LUC7L: variants seen among roughly 807,000 people sequenced by gnomAD.
The protein encoded by LUC7L is LUC7 like, also known as putative RNA-binding protein Luc7-like 1.
In LUC7L, 29 loss-of-function variants were observed where a neutral mutation model predicts 51.1. That is an observed-to-expected ratio of 0.57 (90% CI 0.42 to 0.77). The LOEUF (loss-of-function observed/expected upper bound fraction) is 0.77, where lower values mean the gene tolerates loss of function less well. Among genes scored for constraint, LUC7L ranks in the 30% least tolerant of loss-of-function variants. LUC7L has a pLI of 0.00. For synonymous variants in LUC7L, 181 were observed against 180.7 expected, an observed-to-expected ratio of 1.00 and a Z score of -0.01; for missense variants, 403 against 511.9, an observed-to-expected ratio of 0.79 and a Z score of 2.05.
chr16:224,997 T>A (rs918807402), intron 2 of LUC7L, among the ~76,000 whole-genome samples: 1 of 152,196 alleles, frequency 6.6e-6, no homozygotes, highest in Non-Finnish European at 1.5e-5. Flanking sequence ...AAAATACTAC[T>A]GGCCATTCCC....
At chr16:203,941 G>T (rs1242092954) in intron 5 of LUC7L, among the ~76,000 whole-genome samples, 2 of 142,968 alleles carry the variant, frequency 1.4e-5, no homozygotes, top group African/African-American at 5.2e-5. Context: ...GCTTGAGCCC[G>T]GGAGGCGGAG....
At chr16:202,206 G>A (rs28891839) in intron 5 of LUC7L, among the ~76,000 whole-genome samples, 3,463 of 151,374 alleles carry the variant, frequency 0.023, 148 homozygotes, top group African/African-American at 0.079. Context: ...CTGGGCAGAA[G>A]GCAGCAAAAG....
rs901379420 is a variant in LUC7L, at chr16:228,567, G to C, written c.61+712C>G. The C allele has an allele frequency of 2.5e-6, 3 of 1,194,094 alleles. No individual in the cohort carries two copies. The African/African-American group carries it at 4.8e-5, about 19-fold the overall frequency. 74.0% of individuals were successfully genotyped at this position (1,194,094 alleles called of 1,614,324 possible). On this transcript the variant is annotated intron_variant, in intron 1 of 9. Coordinates refer to ENST00000293872, the MANE Select transcript of LUC7L (RefSeq NM_201412.3). ...CACAGCCCTGAGAATGTGCCAGTGT[G>C]AACTTACAACTTCATTACTCAGCAG...
chr16:189,443 C>T, intron 9 of LUC7L, 104 bp from the exon 10 acceptor site: 1 of 1,457,598 alleles, frequency 6.9e-7, no homozygotes, highest in Non-Finnish European at 9.0e-7. Flanking sequence ...CAAGGCCCTA[C>T]ATCCCCTATA....
At chr16:197,883 T>C (rs1406651041) in intron 6 of LUC7L, among the ~76,000 whole-genome samples, 1 of 152,140 alleles carries the variant, frequency 6.6e-6, no homozygotes, top group Non-Finnish European at 1.5e-5. Context: ...GGTCCTAGTA[T>C]GCGGTAAGGG....
At chr16:196,223 C>A (rs1317249850) in intron 6 of LUC7L, among the ~76,000 whole-genome samples, 1 of 152,052 alleles carries the variant, frequency 6.6e-6, no homozygotes, top group African/African-American at 2.4e-5. Context: ...GCCTGAGCAA[C>A]ACGGTGAAAC....
chr16:196,906 C>CTTTTT (rs34164641), intron 6 of LUC7L, among the ~76,000 whole-genome samples: 2 of 122,816 alleles, frequency 1.6e-5, no homozygotes, highest in African/African-American at 3.2e-5. Context: ...ACTTTTACAT[C>CTTTTT]TTTTTTTTTT....
At chr16:190,218 C>A in intron 8 of LUC7L, 83 bp from the exon 9 acceptor site, 2 of 1,203,472 alleles carry the variant, frequency 1.7e-6, no homozygotes, top group South Asian at 1.4e-5. Context: ...ATTCTGCTTG[C>A]TGCTTTACTG....
At chr16:228,895 A>T (rs1001851744) in intron 1 of LUC7L, 50 of 1,334,106 alleles carry the variant, frequency 3.7e-5, no homozygotes, top group Admixed American at 9.0e-5. Context: ...CTTCCCAAGG[A>T]GCCTCGGAAG....
chr16:209,409 G>C (rs1264315205), intron 3 of LUC7L: 1 of 148,542 alleles, frequency 6.7e-6, no homozygotes, highest in African/African-American at 2.5e-5. Flanking sequence ...AGAATCGCTT[G>C]AACCTGGGAG....
At chr16:229,220 C>T (rs896169530) in intron 1 of LUC7L, 59 bp downstream of exon 1, 1 of 1,510,858 alleles carries the variant, frequency 6.6e-7, no homozygotes. Context: ...CTCAGGCCGC[C>T]CGGCGGCCTC....
chr16:229,448 T>G lies in LUC7L; in HGVS notation c.-109A>C. 1 of 984,650 alleles carries G rather than the reference T, an allele frequency of 1.0e-6. No individual in the cohort carries two copies. Among genetic ancestry groups the G allele is most frequent in the Non-Finnish European group, 1.4e-6 (1 of 716,444 alleles). 61.0% of individuals were successfully genotyped at this position (984,650 alleles called of 1,614,324 possible). A position where few individuals can be genotyped will look rare whatever the true frequency, so the allele number is the denominator to read the frequency against. ...GTCGGCCTCGAGCCCACTCGGCTCT[T>G]TCCCGCCGCGGGGGACGCCGGGAGG... On this transcript the variant is annotated 5_prime_UTR_variant, in exon 1 of 10. Coordinates refer to ENST00000293872, the MANE Select transcript of LUC7L (RefSeq NM_201412.3).
chr16:218,516 T>C (rs1294859887), intron 3 of LUC7L, among the ~76,000 whole-genome samples: 3 of 151,136 alleles, frequency 2.0e-5, no homozygotes, highest in Non-Finnish European at 4.4e-5. Flanking sequence ...AGGTCAAGAG[T>C]TCAAGATGAG....
At chr16:228,748 G>T (rs565883061) in intron 1 of LUC7L, 7 of 1,265,808 alleles carry the variant, frequency 5.5e-6, no homozygotes, top group Non-Finnish European at 6.1e-6. Context: ...CTGTGTGCTG[G>T]GGGGAAGGGG....
intron 2 of LUC7L, among the ~76,000 whole-genome samples, chr16:226,439 G>C (rs895189473): frequency 6.6e-6 from 1 of 151,976 alleles, no homozygotes; most frequent in Non-Finnish European, 1.5e-5. Context: ...TTCTTACTTC[G>C]AATAAATGCA....
chr16:206,850 A>G (rs1224431150), intron 4 of LUC7L, among the ~76,000 whole-genome samples: 1 of 150,422 alleles, frequency 6.6e-6, no homozygotes, highest in Non-Finnish European at 1.5e-5. Flanking sequence ...CTTAAGCCCA[A>G]GAGTTCCAGA....
chr16:203,040 G>A (rs1423652991), intron 5 of LUC7L, among the ~76,000 whole-genome samples: 1 of 152,008 alleles, frequency 6.6e-6, no homozygotes, highest in Non-Finnish European at 1.5e-5. Flanking sequence ...AATCTCAGCT[G>A]CTCAGGAGGC....
At chr16:205,832 G>A (rs1567180936) in intron 5 of LUC7L, among the ~76,000 whole-genome samples, 172 bp downstream of exon 5, 4 of 152,088 alleles carry the variant, frequency 2.6e-5, no homozygotes, top group South Asian at 4.1e-4. Flanking sequence ...CTCGTGATCC[G>A]CCCGCCTCGG....
intron 5 of LUC7L, among the ~76,000 whole-genome samples, chr16:201,737 C>CTTTTTTTTT (rs34083330): frequency 1.8e-5 from 1 of 54,306 alleles, no homozygotes; most frequent in African/African-American, 9.1e-5. Context: ...CCGCACCAGG[C>CTTTTTTTTT]TTTTTTTTTT....
Sources: gnomAD v4.1 joint callset for allele counts (sites outside exome capture counted in the v4.1 genomes callset) on GRCh38, gnomAD v4.1.1 for gene constraint, MANE v1.5 for transcripts, NCBI Gene and HGNC (gene_info 2026-07-23, HGNC 2026-07-21) for gene names.